The following GSG1L variants were observed in gnomAD, a reference collection of about 807,000 sequenced individuals.
GSG1L encodes the protein GSG1 like.
In GSG1L, 24 loss-of-function variants were observed where a neutral mutation model predicts 42.1. The observed-to-expected ratio is 0.57, with a 90% CI of 0.41 to 0.80. The LOEUF is 0.80. Among genes scored for constraint, GSG1L ranks in the 30% least tolerant of loss-of-function variants. GSG1L has a pLI of 0.00. For synonymous variants in GSG1L, 215 were observed against 203.5 expected (o/e 1.06, Z -0.48); for missense variants, 445 against 472.2 (o/e 0.94, Z 0.53).
chr16:27,986,509 A>C (rs1450392061), intron 1 of GSG1L, among the ~76,000 whole-genome samples: 79 of 138,810 alleles, frequency 5.7e-4, no homozygotes, highest in African/African-American at 2.0e-3. Flanking sequence ...CCGCCTCAAA[A>C]AAAAAAAAAA....
At chr16:27,849,163 A>G (rs1346131322) in intron 3 of GSG1L, among the ~76,000 whole-genome samples, 1 of 143,912 alleles carries the variant, frequency 6.9e-6, no homozygotes, top group Non-Finnish European at 1.5e-5. Flanking sequence ...ATACCACTGC[A>G]CTCCAGCCTG....
At position 27,959,042 on chromosome 16, in the gene GSG1L, T is replaced by C. The variant is rs574220540; in HGVS notation, c.397+4114A>G. On this transcript the variant is annotated intron_variant, in intron 2 of 6. Transcript: ENST00000447459. Reference sequence around the variant, plus strand: ...ACTGTGATATAACAAAAAACATATATTTGGTCTCATGGTTCCTGGCAAACA... The same window carrying C: ...ACTGTGATATAACAAAAAACATATACTTGGTCTCATGGTTCCTGGCAAACA... Among the ~76,000 whole-genome samples, 108 of 152,160 alleles carry C rather than the reference T, an allele frequency of 7.1e-4. 1 individual carries two copies. Among genetic ancestry groups the C allele is most frequent in the Non-Finnish European group, 1.2e-3 (83 of 68,004 alleles).
intron 2 of GSG1L, among the ~76,000 whole-genome samples, chr16:27,950,124 G>A (rs1175890602): frequency 6.6e-6 from 1 of 152,156 alleles, no homozygotes; most frequent in East Asian, 1.9e-4. Flanking sequence ...CGCCATCATA[G>A]ATCAGTACAA....
intron 2 of GSG1L, among the ~76,000 whole-genome samples, chr16:27,906,853 T>C (rs1204528985): frequency 6.6e-6 from 1 of 152,138 alleles, no homozygotes; most frequent in Non-Finnish European, 1.5e-5. Context: ...ATCCCCTCTG[T>C]GACATGACTC....
intron 2 of GSG1L, among the ~76,000 whole-genome samples, chr16:27,905,061 A>G (rs549392354): frequency 1.1e-4 from 17 of 152,368 alleles, no homozygotes; most frequent in African/African-American, 3.1e-4. Flanking sequence ...CACAACTGTG[A>G]GGCCCTAGGA....
chr16:27,888,768 C>G (rs930163052), intron 2 of GSG1L, among the ~76,000 whole-genome samples: 1 of 151,646 alleles, frequency 6.6e-6, no homozygotes, highest in Non-Finnish European at 1.5e-5. Context: ...CAGGCACCCA[C>G]CACCATGCCC....
chr16:27,814,267 AC>A (rs1474960780), intron 5 of GSG1L, among the ~76,000 whole-genome samples: 1 of 151,356 alleles, frequency 6.6e-6, no homozygotes, highest in Non-Finnish European at 1.5e-5. Flanking sequence ...ACACACCACC[AC>A]CCCCAGCTAA....
At chr16:27,911,507 G>T (rs2084391034) in intron 2 of GSG1L, among the ~76,000 whole-genome samples, 1 of 152,292 alleles carries the variant, frequency 6.6e-6, no homozygotes, top group South Asian at 2.1e-4. Flanking sequence ...GGCCAGGCTG[G>T]TCTCCAACTC....
At chr16:27,812,047 C>T (rs373860866) in intron 5 of GSG1L, among the ~76,000 whole-genome samples, 2 of 152,162 alleles carry the variant, frequency 1.3e-5, no homozygotes, top group East Asian at 3.8e-4. Flanking sequence ...GGAAGTGGGG[C>T]CCTGTGAGCA....
rs2085090719 is a variant in GSG1L, at chr16:27,963,182, A to C, written c.371T>G (p.Ile124Ser). 1 of 1,613,856 alleles carries C rather than the reference A, an allele frequency of 6.2e-7. No individual in the cohort carries two copies. Among genetic ancestry groups the C allele is most frequent in the African/African-American group, 1.3e-5 (1 of 74,930 alleles). The change falls in exon 2 of 7, where the codon ATT becomes AGT. Residue 124 changes from isoleucine to serine, a missense_variant. Physicochemically the swap from Ile to Ser is moderately radical, Grantham distance 142. Around this residue, in one of 3 missense-constraint regions of GSG1L, gnomAD observed 149 missense variants for 223.3 expected, o/e 0.67. Coordinates refer to ENST00000447459, the MANE Select transcript of GSG1L (RefSeq NM_001109763.2). ...SGLGEKCRSF[I>S]DLAPASEKGV... ...TTTCTCCGATGCCGGGGCCAGGTCA[A>C]TGAAGCTGCGACATTTTTCACCTTT... is the stretch of plus-strand genomic sequence containing the variant.
At chr16:28,046,440 G>A (rs1485058528) in intron 1 of GSG1L, among the ~76,000 whole-genome samples, 4 of 137,236 alleles carry the variant, frequency 2.9e-5, no homozygotes, top group Admixed American at 8.2e-5. Context: ...TGCAAGCTCC[G>A]CCTCCCGGGT....
chr16:27,806,492 G>A (rs1365007581), intron 6 of GSG1L, among the ~76,000 whole-genome samples: 2 of 152,328 alleles, frequency 1.3e-5, no homozygotes, highest in East Asian at 3.9e-4. Context: ...ATTGGGCAGA[G>A]AGGAAAAGTG....
At chr16:27,908,972 C>G (rs2084350128) in intron 2 of GSG1L, among the ~76,000 whole-genome samples, 2 of 152,182 alleles carry the variant, frequency 1.3e-5, no homozygotes, top group African/African-American at 4.8e-5. Context: ...TGCATTAAAA[C>G]AGGCTGGAGT....
At position 27,888,525 on chromosome 16, in the gene GSG1L, T is replaced by C. The variant is rs971945675; in HGVS notation, c.398-3887A>G. 5.8e-4 allele frequency among the ~76,000 whole-genome samples: 14 copies of C among 24,278 alleles called. 3 individuals are homozygous for C. The highest frequency in any genetic ancestry group is 1.5e-3 in the Admixed American group (2 of 1,302). 15.9% of individuals were successfully genotyped at this position (24,278 alleles called of 152,430 possible). On this transcript the variant is annotated intron_variant, in intron 2 of 6. Transcript: ENST00000447459. ...TTTCTTTCTTTCTTTCTTTCTTTCT[T>C]TCTTTCTTTCTTTCTTTCTTTCTTT...
At chr16:27,928,328 A>G (rs1231515350) in intron 2 of GSG1L, among the ~76,000 whole-genome samples, 1 of 152,042 alleles carries the variant, frequency 6.6e-6, no homozygotes, top group Non-Finnish European at 1.5e-5. Context: ...GCCTTGCAGA[A>G]CTTTCTCCCT....
At chr16:27,856,246 GA>G (rs1218762399) in intron 3 of GSG1L, among the ~76,000 whole-genome samples, 2 of 152,190 alleles carry the variant, frequency 1.3e-5, no homozygotes, top group African/African-American at 4.8e-5. Flanking sequence ...GGAGGGCAGG[GA>G]CAGTGGGGGA....
chr16:27,788,351 C>G lies in GSG1L; in HGVS notation c.*3019G>C, dbSNP rs915738371. The G allele has an allele frequency of 2.0e-5, 3 of 152,180 alleles. No homozygotes were observed. The highest frequency in any genetic ancestry group is 7.2e-5 in the African/African-American group (3 of 41,434). The allele number at this position is 152,180 out of a possible 1,614,324, so 9.4% of individuals were successfully genotyped here. On this transcript the variant is annotated 3_prime_UTR_variant, in exon 7 of 7. Transcript: ENST00000447459. The stretch of plus-strand genomic sequence containing the variant: ...GCATCTCCCACAACTATTCTGTGCC[C>G]ATAGTTGCGGTGATCTTCCTCAAAT...
chr16:27,868,607 A>AAT (rs199909568), intron 3 of GSG1L, among the ~76,000 whole-genome samples: 1 of 150,748 alleles, frequency 6.6e-6, no homozygotes, highest in African/African-American at 2.5e-5. Flanking sequence ...AAAAAAAAAA[A>AAT]GATGATATTT....
At chr16:28,061,641 G>A (rs1456091293) in intron 1 of GSG1L, among the ~76,000 whole-genome samples, 2 of 152,236 alleles carry the variant, frequency 1.3e-5, no homozygotes, top group African/African-American at 4.8e-5. Flanking sequence ...CTCACAGAGT[G>A]ACATCCTATG....
Sources: gnomAD v4.1 joint callset for allele counts (sites outside exome capture counted in the v4.1 genomes callset) on GRCh38, gnomAD v4.1.1 for gene constraint, gnomAD v4.1.1 regional missense constraint, MANE v1.5 for transcripts, NCBI Gene and HGNC (gene_info 2026-07-23, HGNC 2026-07-21) for gene names.